The following NRF1 variants were observed in gnomAD, a reference collection of about 807,000 sequenced individuals.
NRF1 encodes nuclear respiratory factor 1, also known as alpha palindromic-binding protein.
In NRF1, 5 loss-of-function variants were observed where a neutral mutation model predicts 58.5. The observed-to-expected ratio is 0.09, with a 90% confidence interval of 0.04 to 0.18. NRF1 has a LOEUF of 0.18. Ranked by LOEUF, NRF1 falls within the 10% of genes least tolerant of loss-of-function variation. NRF1 has a pLI of 1.00. For missense variants in NRF1, 288 were observed against 657.7 expected, an observed-to-expected ratio of 0.44 and a Z score of 6.15; for synonymous variants, 224 against 246.7, an observed-to-expected ratio of 0.91 and a Z score of 0.86.
intron 5 of NRF1, among the ~76,000 whole-genome samples, chr7:129,697,609 ATAGAACT>A (rs890159209): frequency 3.4e-4 from 51 of 152,198 alleles, no homozygotes; most frequent in African/African-American, 9.9e-4. Context: ...CTAGTGACAG[ATAGAACT>A]TAGGGCTGCA....
chr7:129,710,035 T>G (rs1803038463), intron 6 of NRF1, among the ~76,000 whole-genome samples: 1 of 152,128 alleles, frequency 6.6e-6, no homozygotes, highest in African/African-American at 2.4e-5. Context: ...TGGCCACGTA[T>G]TTATTTTTCA....
At chr7:129,651,163 T>C (rs1344660452) in intron 1 of NRF1, among the ~76,000 whole-genome samples, 2 of 152,158 alleles carry the variant, frequency 1.3e-5, no homozygotes, top group East Asian at 3.9e-4. Context: ...GGCTCAAGCC[T>C]GTAATCCCAG....
Position 129,743,954 on chromosome 7 carries a change from T to C in NRF1, c.1349-11064T>C, listed in dbSNP as rs1803908104. On this transcript the variant is annotated intron_variant, in intron 10 of 10. Transcript: ENST00000393232. ...GGGAAATATGAGGGAAATGACCTCC[T>C]CTCCCTTCAACTGAACTAAGATCTG... Among the ~76,000 whole-genome samples, 5 of 152,212 alleles carry C rather than the reference T, an allele frequency of 3.3e-5. No homozygotes were observed. The South Asian group carries it at 1.0e-3, about 32-fold the overall frequency.
At chr7:129,638,622 A>G (rs1801221696) in intron 1 of NRF1, among the ~76,000 whole-genome samples, 1 of 152,176 alleles carries the variant, frequency 6.6e-6, no homozygotes, top group Admixed American at 6.5e-5. Context: ...TGGGATAATT[A>G]TTCTCTTCTC....
intron 2 of NRF1, among the ~76,000 whole-genome samples, chr7:129,664,977 T>G (rs1041191433): frequency 1.3e-5 from 2 of 152,084 alleles, no homozygotes; most frequent in East Asian, 3.9e-4. Flanking sequence ...AGTAAAATAA[T>G]TTGAGAAAGC....
In NRF1 at chr7:129,696,117, G is replaced by T. The variant is rs1167434016; in HGVS notation, c.606+5571G>T. 1.7e-4 allele frequency among the ~76,000 whole-genome samples: 25 copies of T among 146,090 alleles called. No homozygotes were observed. In the Admixed American group the frequency reaches 1.7e-3, roughly 10 times the overall value. On this transcript the variant is annotated intron_variant, in intron 5 of 10. Coordinates refer to ENST00000393232, the MANE Select transcript of NRF1 (RefSeq NM_005011.5). ...AAATTAGCCGGGCTTAGTGGTACAT[G>T]CCTGTAATCCCAGCTACTCAGGAGG...
chr7:129,716,884 G>A (rs1229169207), intron 8 of NRF1, among the ~76,000 whole-genome samples: 1 of 137,566 alleles, frequency 7.3e-6, no homozygotes, highest in East Asian at 2.3e-4. Context: ...AAAAAAAAAA[G>A]GTACAGTGGA....
intron 5 of NRF1, among the ~76,000 whole-genome samples, chr7:129,697,611 A>G (rs755083323): frequency 2.0e-5 from 3 of 152,114 alleles, no homozygotes; most frequent in East Asian, 1.9e-4. Context: ...AGTGACAGAT[A>G]GAACTTAGGG....
chr7:129,676,987 T>G (rs1339277855), intron 3 of NRF1, among the ~76,000 whole-genome samples: 2 of 149,348 alleles, frequency 1.3e-5, no homozygotes, highest in African/African-American at 4.9e-5. Flanking sequence ...ATAAATTCTG[T>G]AAGAGCACAT....
chr7:129,646,387 G>A (rs537285889), intron 1 of NRF1, among the ~76,000 whole-genome samples: 1 of 152,338 alleles, frequency 6.6e-6, no homozygotes, highest in South Asian at 2.1e-4. Context: ...AGAAAACCAT[G>A]TGTGGCATTT....
intron 1 of NRF1, among the ~76,000 whole-genome samples, chr7:129,650,276 A>G (rs1207169855): frequency 6.6e-6 from 1 of 151,302 alleles, no homozygotes; most frequent in Non-Finnish European, 1.5e-5. Flanking sequence ...GTCACAGGTC[A>G]TTATGTATTG....
At chr7:129,672,073 C>T (rs1802060376) in intron 3 of NRF1, among the ~76,000 whole-genome samples, 1 of 151,944 alleles carries the variant, frequency 6.6e-6, no homozygotes, top group Admixed American at 6.6e-5. Flanking sequence ...GGGGGAAGAA[C>T]ATCTCAGGCA....
chr7:129,616,840 G>A lies in NRF1; in HGVS notation c.-7+5016G>A, dbSNP rs535159286. Among the ~76,000 whole-genome samples the A allele has an allele frequency of 3.9e-5, 6 of 152,312 alleles. No homozygotes were observed. The East Asian group carries it at 1.2e-3, about 29-fold the overall frequency. On this transcript the variant is annotated intron_variant, in intron 1 of 10. Coordinates refer to ENST00000393232, the MANE Select transcript of NRF1 (RefSeq NM_005011.5). ...CCGTTTCTCTTAAGGAGAAGTGTGT[G>A]TGTGTTGGAGGGAGTGTTGGTGGGG... is the stretch of plus-strand genomic sequence containing the variant.
At chr7:129,654,735 G>A (rs1801613193) in intron 1 of NRF1, among the ~76,000 whole-genome samples, 3 of 152,132 alleles carry the variant, frequency 2.0e-5, no homozygotes. Context: ...CTAATGTATT[G>A]CCTTTGCTCC....
intron 4 of NRF1, among the ~76,000 whole-genome samples, chr7:129,682,022 C>T (rs1336895937): frequency 6.6e-5 from 10 of 151,772 alleles, no homozygotes; most frequent in Admixed American, 6.6e-4. Context: ...ATCAAGGCTA[C>T]AGTGAGCCAT....
intron 1 of NRF1, among the ~76,000 whole-genome samples, chr7:129,633,074 T>C (rs573460934): frequency 9.8e-5 from 15 of 152,312 alleles, no homozygotes; most frequent in Admixed American, 9.1e-4. Flanking sequence ...GAATGAGCAT[T>C]ATATATCAGA....
At chr7:129,672,885 A>G (rs760425653) in intron 3 of NRF1, among the ~76,000 whole-genome samples, 2 of 152,192 alleles carry the variant, frequency 1.3e-5, no homozygotes, top group Non-Finnish European at 2.9e-5. Flanking sequence ...TATTATAAGC[A>G]TATAGGTAGT....
chr7:129,616,052 T>TAC (rs1205996791), intron 1 of NRF1, among the ~76,000 whole-genome samples: 27 of 151,750 alleles, frequency 1.8e-4, no homozygotes, highest in African/African-American at 5.8e-4. Context: ...TATATATATA[T>TAC]ACACACACAC....
At chr7:129,682,480 A>G (rs1380799190) in intron 4 of NRF1, among the ~76,000 whole-genome samples, 2 of 151,838 alleles carry the variant, frequency 1.3e-5, no homozygotes, top group Admixed American at 6.6e-5. Flanking sequence ...AAACAAAACA[A>G]AAAAACCCCG....
Sources: allele counts gnomAD v4.1 joint callset (sites outside exome capture counted in the v4.1 genomes callset), GRCh38; gene constraint gnomAD v4.1.1; transcripts MANE v1.5; gene names NCBI Gene and HGNC (gene_info 2026-07-23, HGNC 2026-07-21).